The following SLC4A4 variants were observed in gnomAD, a reference collection of about 807,000 sequenced individuals.
The protein encoded by SLC4A4 is electrogenic sodium bicarbonate cotransporter 1.
A neutral mutation model predicts 111.5 loss-of-function variants in SLC4A4; 27 were observed. The ratio of observed to expected loss-of-function variants is 0.24; its 90% CI spans 0.18 to 0.33. SLC4A4 has a LOEUF of 0.33. SLC4A4 is among the 10% of genes least tolerant of loss of function. The pLI, the probability that SLC4A4 is intolerant of heterozygous loss-of-function variation, is 1.00. For missense variants in SLC4A4, 909 were observed against 1,315.5 expected, an observed-to-expected ratio of 0.69 and a Z score of 4.78; for synonymous variants, 443 against 463.4, an observed-to-expected ratio of 0.96 and a Z score of 0.57.
At chr4:71,465,946 T>C (rs994697759) in intron 12 of SLC4A4, among the ~76,000 whole-genome samples, 3 of 152,116 alleles carry the variant, frequency 2.0e-5, no homozygotes, top group African/African-American at 7.2e-5. Flanking sequence ...TGGTCCCCTT[T>C]GTGCCCCTCT....
At chr4:71,074,646 AAGGAAGGAAGAAGGGG>A (rs892735259) in intron 1 of SLC4A4, among the ~76,000 whole-genome samples, 6 of 151,794 alleles carry the variant, frequency 4.0e-5, no homozygotes, top group African/African-American at 7.2e-5. Flanking sequence ...GGAGAAGAGA[AAGGAAGGAAGAAGGGG>A]AGGAAGGAAG....
chr4:71,472,582 AG>A, intron 13 of SLC4A4, 116 bp from the exon 14 acceptor site: 1 of 1,004,652 alleles, frequency 1.0e-6, no homozygotes, highest in Non-Finnish European at 1.5e-6. Flanking sequence ...TTTCACATTT[AG>A]TGGCTAAAGG....
At chr4:71,121,939 A>T (rs1293773427) in intron 2 of SLC4A4, among the ~76,000 whole-genome samples, 1 of 151,862 alleles carries the variant, frequency 6.6e-6, no homozygotes, top group Non-Finnish European at 1.5e-5. Flanking sequence ...GGAATGAACA[A>T]CTCCGGACGG....
intron 4 of SLC4A4, among the ~76,000 whole-genome samples, chr4:71,347,037 T>C (rs1729389738): frequency 6.6e-6 from 1 of 152,182 alleles, no homozygotes; most frequent in Admixed American, 6.6e-5. Context: ...GAATTTATAT[T>C]TCCATTCCTT....
chr4:71,187,599 C>G (rs1027793887), intron 1 of SLC4A4, among the ~76,000 whole-genome samples, 198 bp downstream of exon 1: 2 of 152,120 alleles, frequency 1.3e-5, no homozygotes, highest in Non-Finnish European at 2.9e-5. Context: ...GCTGCTTCCG[C>G]GGAAAAGTAT....
chr4:71,546,999 G>A (rs1735597158), intron 19 of SLC4A4, among the ~76,000 whole-genome samples: 2 of 151,916 alleles, frequency 1.3e-5, no homozygotes, highest in Admixed American at 6.6e-5. Context: ...AGGAGTAGAA[G>A]GTTTTTATAC....
chr4:71,509,747 G>A (rs1340077477), intron 16 of SLC4A4, among the ~76,000 whole-genome samples: 1 of 152,196 alleles, frequency 6.6e-6, no homozygotes, highest in East Asian at 1.9e-4. Context: ...TAGCTGTTCA[G>A]TGACTTTCCT....
chr4:71,174,391 C>G (rs1392162121), intron 2 of SLC4A4, among the ~76,000 whole-genome samples: 2 of 151,786 alleles, frequency 1.3e-5, no homozygotes, highest in Non-Finnish European at 2.9e-5. Context: ...CTGGTATTAA[C>G]AGGTGTGCAC....
chr4:71,373,682 A>C (rs1213163369), intron 6 of SLC4A4, among the ~76,000 whole-genome samples: 1 of 152,196 alleles, frequency 6.6e-6, no homozygotes, highest in East Asian at 1.9e-4. Context: ...TTAGAACTTT[A>C]TGTTAGGGAA....
At chr4:71,288,449 A>G (rs547465339) in intron 3 of SLC4A4, among the ~76,000 whole-genome samples, 1 of 151,728 alleles carries the variant, frequency 6.6e-6, no homozygotes, top group South Asian at 2.1e-4. Context: ...CCCAGCCTGG[A>G]GTGCAGTGGC....
intron 24 of SLC4A4, among the ~76,000 whole-genome samples, chr4:71,566,153 C>T (rs887577813): frequency 2.6e-5 from 4 of 151,840 alleles, no homozygotes; most frequent in Admixed American, 6.6e-5. Flanking sequence ...CCTTTGGTGT[C>T]CAGTTTGTAA....
chr4:71,567,919 AT>A lies in SLC4A4; in HGVS notation c.*171del. 8.0e-7 allele frequency: 1 copy of A among 1,246,722 alleles called. No homozygotes were observed. The highest frequency in any genetic ancestry group is 1.4e-5 in the South Asian group (1 of 72,564). 77.2% of individuals were successfully genotyped at this position (1,246,722 alleles called of 1,614,324 possible). A position where few individuals can be genotyped will look rare whatever the true frequency, so the allele number is the denominator to read the frequency against. On this transcript the variant is annotated 3_prime_UTR_variant, in exon 26 of 26. Coordinates refer to ENST00000264485, the MANE Select transcript of SLC4A4 (RefSeq NM_001098484.3). ...CCTGTTTGTCTTTCTTAAAACTGAC[AT>A]TTGTTGTTAATGTCATTTGTTTTTG...
Position 71,564,428 on chromosome 4 carries a change from C to T in SLC4A4, c.3196+539C>T, listed in dbSNP as rs1049736202. 4.6e-5 allele frequency among the ~76,000 whole-genome samples: 7 copies of T among 152,004 alleles called. No individual in the cohort carries two copies. The East Asian group carries it at 1.4e-3, about 30-fold the overall frequency. ...CTTATATGCATTTGCTTTCTAATCT[C>T]TTCATTCTCCCTTTTGCTATTTCAA... On this transcript the variant is annotated intron_variant, in intron 24 of 25. Transcript: ENST00000264485.
intron 6 of SLC4A4, among the ~76,000 whole-genome samples, chr4:71,397,086 AG>A (rs1392403132): frequency 6.6e-6 from 1 of 152,182 alleles, no homozygotes; most frequent in African/African-American, 2.4e-5. Flanking sequence ...AAGACTTTTC[AG>A]GTTGATCTGA....
At chr4:71,115,766 G>A (rs560052825) in intron 2 of SLC4A4, among the ~76,000 whole-genome samples, 2 of 152,254 alleles carry the variant, frequency 1.3e-5, no homozygotes, top group African/African-American at 4.8e-5. Flanking sequence ...TTATTATTCA[G>A]CAGGTTGTCT....
At chr4:71,430,534 T>A (rs540825588) in intron 7 of SLC4A4, among the ~76,000 whole-genome samples, 6 of 152,252 alleles carry the variant, frequency 3.9e-5, no homozygotes, top group African/African-American at 1.4e-4. Context: ...CTTTTGTATC[T>A]GGGCTCTGCA....
chr4:71,345,026 C>G (rs564299776), intron 4 of SLC4A4, among the ~76,000 whole-genome samples: 6 of 152,178 alleles, frequency 3.9e-5, no homozygotes, highest in Non-Finnish European at 7.4e-5. Context: ...ACTCTCAACT[C>G]TATCACCATC....
At chr4:71,548,105 C>T (rs557603764) in intron 20 of SLC4A4, among the ~76,000 whole-genome samples, 1 of 151,918 alleles carries the variant, frequency 6.6e-6, no homozygotes, top group African/African-American at 2.4e-5. Flanking sequence ...TTGCTTGTAT[C>T]CAAATCTTGT....
chr4:71,223,769 A>C (rs1364121767), intron 1 of SLC4A4, among the ~76,000 whole-genome samples: 1 of 151,954 alleles, frequency 6.6e-6, no homozygotes, highest in Non-Finnish European at 1.5e-5. Context: ...TCGGGTCCTC[A>C]CAGCCCTGTT....
Sources: allele counts gnomAD v4.1 joint callset (sites outside exome capture counted in the v4.1 genomes callset), GRCh38; gene constraint gnomAD v4.1.1; transcripts MANE v1.5; gene names NCBI Gene and HGNC (gene_info 2026-07-23, HGNC 2026-07-21).